Variants in DPP6 observed in about 807,000 individuals in gnomAD.
The protein encoded by DPP6 is A-type potassium channel modulatory protein DPP6.
A neutral mutation model predicts 122.6 loss-of-function variants in DPP6; 69 were observed. The observed-to-expected ratio is 0.56, with a 90% CI of 0.46 to 0.69. The LOEUF is 0.69. Among genes scored for constraint, DPP6 ranks in the 30% least tolerant of loss-of-function variants. DPP6 has a pLI of 0.00. For missense variants in DPP6, 928 were observed against 1,116.9 expected, an observed-to-expected ratio of 0.83 and a Z score of 2.41; for synonymous variants, 418 against 433.1, an observed-to-expected ratio of 0.97 and a Z score of 0.43.
At chr7:154,636,582 G>A (rs73165047) in intron 5 of DPP6, among the ~76,000 whole-genome samples, 8,483 of 152,234 alleles carry the variant, frequency 0.056, 274 homozygotes, top group Non-Finnish European at 0.071. Context: ...GCCCCGGGCC[G>A]CATATTTCTG....
intron 1 of DPP6, among the ~76,000 whole-genome samples, chr7:154,270,689 G>A (rs952788618): frequency 2.0e-5 from 3 of 152,198 alleles, no homozygotes; most frequent in African/African-American, 7.2e-5. Context: ...CAGGTAGTGA[G>A]TAGGTCACTT....
At chr7:154,579,892 T>C (rs1831935819) in intron 5 of DPP6, among the ~76,000 whole-genome samples, 1 of 152,012 alleles carries the variant, frequency 6.6e-6, no homozygotes, top group African/African-American at 2.4e-5. Context: ...TTAGGGATAC[T>C]TGGGGCAAAA....
At chr7:154,553,069 G>A (rs561960088) in intron 4 of DPP6, among the ~76,000 whole-genome samples, 1 of 152,298 alleles carries the variant, frequency 6.6e-6, no homozygotes, top group African/African-American at 2.4e-5. Context: ...TAAAGCCACC[G>A]TGCTTTAGGA....
intron 10 of DPP6, among the ~76,000 whole-genome samples, chr7:154,790,156 C>A (rs1269874762): frequency 6.6e-6 from 1 of 152,190 alleles, no homozygotes; most frequent in Non-Finnish European, 1.5e-5. Context: ...TGAGATCACA[C>A]CACTGCACTC....
chr7:153,941,400 T>C (rs1801689770), intron 1 of DPP6, among the ~76,000 whole-genome samples: 1 of 152,092 alleles, frequency 6.6e-6, no homozygotes, highest in Non-Finnish European at 1.5e-5. Flanking sequence ...TGGTGCTGGG[T>C]GATGTCTGTA....
chr7:154,053,637 A>G (rs939763562), intron 1 of DPP6, among the ~76,000 whole-genome samples: 17 of 147,604 alleles, frequency 1.2e-4, no homozygotes, highest in Non-Finnish European at 2.5e-4. Flanking sequence ...TCCTTTCCGG[A>G]AAAAAAAAAT....
chr7:154,712,675 A>G (rs1841258303), intron 7 of DPP6, among the ~76,000 whole-genome samples: 2 of 152,222 alleles, frequency 1.3e-5, no homozygotes, highest in South Asian at 4.1e-4. Context: ...AGATCTCATG[A>G]GAACCAGCTC....
intron 1 of DPP6, among the ~76,000 whole-genome samples, chr7:154,262,853 C>T (rs1411595870): frequency 6.6e-6 from 1 of 152,138 alleles, no homozygotes; most frequent in Non-Finnish European, 1.5e-5. Context: ...TATGGTTTAA[C>T]TGTATTTTTC....
At chr7:154,188,942 C>T (rs7458221) in intron 1 of DPP6, among the ~76,000 whole-genome samples, 2,857 of 152,276 alleles carry the variant, frequency 0.019, 27 homozygotes, top group Non-Finnish European at 0.027. Context: ...ATTGAGCCTC[C>T]GTGTCCCAGA....
At chr7:154,193,233 TAGTG>T (rs1364192478) in intron 1 of DPP6, among the ~76,000 whole-genome samples, 1 of 152,324 alleles carries the variant, frequency 6.6e-6, no homozygotes, top group East Asian at 1.9e-4. Context: ...TGGGATCTGT[TAGTG>T]AGCATTACCT....
At chr7:154,832,385 C>T (rs1418953449) in intron 16 of DPP6, among the ~76,000 whole-genome samples, 3 of 152,176 alleles carry the variant, frequency 2.0e-5, no homozygotes, top group Non-Finnish European at 4.4e-5. Context: ...GAAGAGGCAT[C>T]GTGCTAGACC....
At chr7:153,896,128 C>T (rs756272532) in intron 1 of DPP6, among the ~76,000 whole-genome samples, 1 of 152,180 alleles carries the variant, frequency 6.6e-6, no homozygotes, top group African/African-American at 2.4e-5. Context: ...CTCTTTTTCC[C>T]TCTCCTACTG....
chr7:154,444,245 C>T (rs1269229987), intron 1 of DPP6, among the ~76,000 whole-genome samples: 1 of 151,376 alleles, frequency 6.6e-6, no homozygotes, highest in Non-Finnish European at 1.5e-5. Context: ...ATCGCAAGGT[C>T]AGGAGATTAA....
intron 1 of DPP6, among the ~76,000 whole-genome samples, chr7:154,180,218 C>T (rs34053442): frequency 0.068 from 10,237 of 151,496 alleles, 443 homozygotes; most frequent in South Asian, 0.1. Flanking sequence ...CATGGTAGTG[C>T]GCACCTATAA....
chr7:154,636,628 T>G (rs1005721232), intron 5 of DPP6, among the ~76,000 whole-genome samples: 40 of 152,198 alleles, frequency 2.6e-4, no homozygotes, highest in African/African-American at 8.9e-4. Context: ...AGCACCAGAT[T>G]GTTGGGATTT....
At chr7:154,220,530 A>G (rs1455344781) in intron 1 of DPP6, among the ~76,000 whole-genome samples, 1 of 152,174 alleles carries the variant, frequency 6.6e-6, no homozygotes, top group Non-Finnish European at 1.5e-5. Context: ...ACATGGATGT[A>G]CCTTTATAAC....
chr7:154,217,937 G>A (rs1246203835), intron 1 of DPP6, among the ~76,000 whole-genome samples: 4 of 152,212 alleles, frequency 2.6e-5, no homozygotes, highest in Non-Finnish European at 5.9e-5. Context: ...GCAGCTGGCG[G>A]GAGTGAATGA....
At position 154,821,938 on chromosome 7, in the gene DPP6, C is replaced by G. The variant is rs532592707; in HGVS notation, c.1666+14826C>G. 6.6e-6 allele frequency among the ~76,000 whole-genome samples: 1 copy of G among 152,010 alleles called. No homozygotes were observed. The highest frequency in any genetic ancestry group is 1.5e-5 in the Non-Finnish European group (1 of 68,002). On this transcript the variant is annotated intron_variant, in intron 16 of 25. Coordinates refer to ENST00000377770, the MANE Select transcript of DPP6 (RefSeq NM_130797.4). This position sits in a 1 kb window ranked among gnomAD's most constrained non-coding sequence, Gnocchi z 4.2. ...CTTTGCAGACCCACAGCGGTGCTTCCGGTTAAAAGCCAGTGTGGAATACAT... is the reference window on the plus strand; with the variant it reads ...CTTTGCAGACCCACAGCGGTGCTTCGGGTTAAAAGCCAGTGTGGAATACAT...
At chr7:154,462,428 T>C (rs891267181) in intron 2 of DPP6, among the ~76,000 whole-genome samples, 1 of 152,318 alleles carries the variant, frequency 6.6e-6, no homozygotes, top group Non-Finnish European at 1.5e-5. Context: ...AGAGATTTCA[T>C]TGAACCTGTA....
Sources: gnomAD v4.1 joint callset for allele counts (sites outside exome capture counted in the v4.1 genomes callset) on GRCh38, gnomAD v4.1.1 for gene constraint, Gnocchi (gnomAD v3.1) non-coding constraint, MANE v1.5 for transcripts, NCBI Gene and HGNC (gene_info 2026-07-23, HGNC 2026-07-21) for gene names.